Variants in PLEKHG4B observed in about 807,000 individuals in gnomAD.
PLEKHG4B encodes pleckstrin homology and RhoGEF domain containing G4B.
A neutral mutation model predicts 121.3 loss-of-function variants in PLEKHG4B; 111 were observed. The ratio of observed to expected loss-of-function variants is 0.92; its 90% CI spans 0.78 to 1.07. PLEKHG4B has a LOEUF of 1.07. Among genes scored for constraint, PLEKHG4B ranks in the 50% least tolerant of loss-of-function variants. The pLI is 0.00. For synonymous variants in PLEKHG4B, 738 were observed against 725.0 expected, an observed-to-expected ratio of 1.02 and a Z score of -0.29; for missense variants, 1,831 against 1,757.8, an observed-to-expected ratio of 1.04 and a Z score of -0.74.
Position 144,926 on chromosome 5 carries a change from G to A in PLEKHG4B, c.1905+6G>A, listed in dbSNP as rs777340824. On this transcript the variant is annotated splice_donor_region_variant and intron_variant, in intron 6 of 19. Coordinates refer to ENST00000637938, the MANE Select transcript of PLEKHG4B (RefSeq NM_052909.5). ...AGGCCCTCTCAGGATTGCAGGTACGGCAAGGTTGTCATATCCCTTGGGTGT... is the reference window on the plus strand; with the variant it reads ...AGGCCCTCTCAGGATTGCAGGTACGACAAGGTTGTCATATCCCTTGGGTGT... 6.2e-7 allele frequency: 1 copy of A among 1,612,388 alleles called. No homozygotes were observed. Among genetic ancestry groups the A allele is most frequent in the South Asian group, 1.1e-5 (1 of 91,006 alleles).
rs1733562874 is a variant in PLEKHG4B, at chr5:184,759, T to C, written c.*2436T>C. 6.6e-6 allele frequency: 1 copy of C among 151,218 alleles called. No individual in the cohort carries two copies. The highest frequency in any genetic ancestry group is 1.5e-5 in the Non-Finnish European group (1 of 67,916). The allele number at this position is 151,218 out of a possible 1,614,324, so 9.4% of individuals were successfully genotyped here. On this transcript the variant is annotated 3_prime_UTR_variant, in exon 20 of 20. Coordinates refer to ENST00000637938, the MANE Select transcript of PLEKHG4B (RefSeq NM_052909.5). ...TGGCTTGGCCGGGTGCGGTGGCTCA[T>C]GTCTCTAATCCCAGCACTTTGGGAG...
intron 2 of PLEKHG4B, among the ~76,000 whole-genome samples, chr5:129,410 C>T (rs1734712361): frequency 6.6e-6 from 1 of 152,218 alleles, no homozygotes; most frequent in South Asian, 2.1e-4. Context: ...CTGAGTCCAT[C>T]ACCCCTGCCC....
chr5:144,728 A>C, intron 5 of PLEKHG4B, 99 bp from the exon 6 acceptor site: 2 of 1,052,878 alleles, frequency 1.9e-6, no homozygotes, highest in East Asian at 2.4e-5. Flanking sequence ...TCTAGAGCTG[A>C]AAGGAAACCA....
At chr5:99,170 GTATATATATATATA>G (rs534174768) in intron 1 of PLEKHG4B, among the ~76,000 whole-genome samples, 4,033 of 100,472 alleles carry the variant, frequency 0.04, 161 homozygotes, top group African/African-American at 0.049. Context: ...AAAAAAAAGT[GTATATATATATATA>G]TATATATATA....
Position 113,414 on chromosome 5 carries a change from A to G in PLEKHG4B, c.209A>G (p.Lys70Arg). The G allele has an allele frequency of 2.5e-6, 1 of 399,076 alleles. No homozygotes were observed. The highest frequency in any genetic ancestry group is 3.6e-5 in the East Asian group (1 of 28,058). 24.7% of individuals were successfully genotyped at this position (399,076 alleles called of 1,614,324 possible). The change falls in exon 2 of 20, where the codon AAG (lysine) becomes AGG (arginine). Residue 70 changes from lysine (K) to arginine (R), a missense_variant. Coordinates refer to ENST00000637938, the MANE Select transcript of PLEKHG4B (RefSeq NM_052909.5). This position sits in a 1 kb window ranked among gnomAD's most constrained non-coding sequence, Gnocchi z 5.2. Reference protein sequence around the residue: ...HCLTSFLLPAKRALQHLQQEA... With the variant: ...HCLTSFLLPARRALQHLQQEA... ...CTCACCAGCTTCCTCCTCCCAGCCA[A>G]GAGGGCCCTGCAGCACCTGCAGCAG...
intron 2 of PLEKHG4B, among the ~76,000 whole-genome samples, chr5:115,067 C>T (rs2126359640): frequency 6.6e-6 from 1 of 152,382 alleles, no homozygotes; most frequent in South Asian, 2.1e-4. Context: ...AGGAATCACT[C>T]TCTATGGCAG....
At position 163,560 on chromosome 5, in the gene PLEKHG4B, G is replaced by T; in HGVS notation, c.3476+12G>T. 1 of 1,559,384 alleles carries T rather than the reference G, an allele frequency of 6.4e-7. No homozygotes were observed. On this transcript the variant is annotated intron_variant, in intron 13 of 19. Transcript: ENST00000637938. ...CAGCAGGTGGGCAGGTGAGGTGGAC[G>T]TCCCCCTCCTCTCGTCCTAGCAGTC... is the stretch of plus-strand genomic sequence containing the variant.
chr5:151,175 T>G (rs574327109), intron 6 of PLEKHG4B, among the ~76,000 whole-genome samples: 1 of 152,190 alleles, frequency 6.6e-6, no homozygotes, highest in African/African-American at 2.4e-5. Context: ...AGGGCTTGGC[T>G]ACGAAGAGGC....
chr5:170,463 G>A (rs745603983), intron 14 of PLEKHG4B, among the ~76,000 whole-genome samples: 17 of 151,960 alleles, frequency 1.1e-4, no homozygotes, highest in Non-Finnish European at 2.2e-4. Context: ...CACCACGCCC[G>A]GCTAATTTTT....
intron 2 of PLEKHG4B, among the ~76,000 whole-genome samples, chr5:127,817 C>A (rs190204071): frequency 1.3e-5 from 2 of 152,252 alleles, no homozygotes; most frequent in East Asian, 3.9e-4. Context: ...TCAGGAGGTC[C>A]TGAGAACATG....
intron 18 of PLEKHG4B, among the ~76,000 whole-genome samples, chr5:175,099 A>G (rs1736715471): frequency 6.6e-6 from 1 of 152,082 alleles, no homozygotes; most frequent in South Asian, 2.1e-4. Flanking sequence ...GCACTGCGGC[A>G]ACCCGAGAGA....
At position 120,896 on chromosome 5, in the gene PLEKHG4B, T is replaced by C. The variant is rs1231498992; in HGVS notation, c.243+7448T>C. On this transcript the variant is annotated intron_variant, in intron 2 of 19. Coordinates refer to ENST00000637938, the MANE Select transcript of PLEKHG4B (RefSeq NM_052909.5). Reference sequence around the variant, plus strand: ...AATATATTAAATAACCTATAAGTAATATGGCAGATGAAGTAGATGAAGAGG... The same window carrying C: ...AATATATTAAATAACCTATAAGTAACATGGCAGATGAAGTAGATGAAGAGG... 3.9e-5 allele frequency among the ~76,000 whole-genome samples: 6 copies of C among 152,102 alleles called. No homozygotes were observed. In the South Asian group the frequency reaches 6.2e-4, roughly 16 times the overall value.
At chr5:172,733 A>T (rs145239999) in intron 16 of PLEKHG4B, among the ~76,000 whole-genome samples, 164 bp from the exon 17 acceptor site, 48 of 152,284 alleles carry the variant, frequency 3.2e-4, no homozygotes, top group Middle Eastern at 3.4e-3. Context: ...TGCTCTTTGA[A>T]ACCTTTAACA....
In PLEKHG4B at chr5:157,856, G is replaced by A. The variant is rs2126428271; in HGVS notation, c.2487+945G>A. On this transcript the variant is annotated intron_variant, in intron 11 of 19. Transcript: ENST00000637938. The surrounding 1 kb of genome is among the most constrained non-coding windows in gnomAD (Gnocchi z 4.6). ...CATGGAGAGGCAGCAGTGGGGTGGA[G>A]GCATCCCCAGCCCTCCTGTCTGCTG... Among the ~76,000 whole-genome samples the A allele has an allele frequency of 6.6e-6, 1 of 152,322 alleles. No individual in the cohort carries two copies. The highest frequency in any genetic ancestry group is 1.5e-5 in the Non-Finnish European group (1 of 68,016).
chr5:142,313 C>T (rs903174794), intron 3 of PLEKHG4B, among the ~76,000 whole-genome samples: 9 of 151,834 alleles, frequency 5.9e-5, no homozygotes, highest in East Asian at 3.9e-4. Flanking sequence ...GTCACACACA[C>T]GCCATAACAA....
chr5:93,578 G>C (rs1733533899), intron 1 of PLEKHG4B, among the ~76,000 whole-genome samples: 2 of 152,258 alleles, frequency 1.3e-5, no homozygotes, highest in African/African-American at 4.8e-5. Context: ...ATGTGGCCTG[G>C]GCTGGGAGCA....
In PLEKHG4B at chr5:155,342, C is replaced by T. The variant is rs1355370545; in HGVS notation, c.2110-3C>T. 4 of 1,613,084 alleles carry T rather than the reference C, an allele frequency of 2.5e-6. No individual in the cohort carries two copies. The highest frequency in any genetic ancestry group is 3.4e-6 in the Non-Finnish European group (4 of 1,178,990). The stretch of plus-strand genomic sequence containing the variant: ...TAATCTCCTCCCTCTCAACTCACAA[C>T]AGAGGCTGGAACACTTCGCTGCAAA... On this transcript the variant is annotated splice_region_variant and splice_polypyrimidine_tract_variant and intron_variant, in intron 8 of 19. Transcript: ENST00000637938.
intron 11 of PLEKHG4B, among the ~76,000 whole-genome samples, chr5:160,058 C>T (rs1257947072): frequency 6.6e-6 from 1 of 152,236 alleles, no homozygotes; most frequent in Non-Finnish European, 1.5e-5. Context: ...ACCGGACAGG[C>T]GATCCTGCTA....
intron 2 of PLEKHG4B, among the ~76,000 whole-genome samples, chr5:114,099 A>G (rs1448264323): frequency 1.3e-5 from 2 of 152,240 alleles, no homozygotes; most frequent in Non-Finnish European, 2.9e-5. Flanking sequence ...AAAAATGCTA[A>G]TGATTATCTG....
Sources: allele counts gnomAD v4.1 joint callset (sites outside exome capture counted in the v4.1 genomes callset), GRCh38; gene constraint gnomAD v4.1.1; non-coding constraint Gnocchi (gnomAD v3.1); transcripts MANE v1.5; gene names NCBI Gene and HGNC (gene_info 2026-07-23, HGNC 2026-07-21).